CACNA1C: variants seen among roughly 807,000 people sequenced by gnomAD.
CACNA1C encodes voltage-dependent L-type calcium channel subunit alpha-1C.
In CACNA1C, 30 loss-of-function variants were observed where a neutral mutation model predicts 229.0. That is an observed-to-expected ratio of 0.13 (90% CI 0.10 to 0.18). The LOEUF (loss-of-function observed/expected upper bound fraction) is 0.18, where lower values mean the gene tolerates loss of function less well. Among genes scored for constraint, CACNA1C ranks in the 10% least tolerant of loss-of-function variants. CACNA1C has a pLI of 1.00. For missense variants in CACNA1C, 1,658 were observed against 2,845.0 expected (o/e 0.58, Z 9.49); for synonymous variants, 1,114 against 1,132.5 (o/e 0.98, Z 0.33).
chr12:2,357,729 G>A (rs1377644283), intron 3 of CACNA1C, among the ~76,000 whole-genome samples: 5 of 150,768 alleles, frequency 3.3e-5, no homozygotes, highest in African/African-American at 1.2e-4. Flanking sequence ...CCAGCACTTT[G>A]GGAGGCTGAG....
chr12:2,600,943 T>A (rs373648155), intron 21 of CACNA1C, among the ~76,000 whole-genome samples: 1 of 152,112 alleles, frequency 6.6e-6, no homozygotes, highest in Non-Finnish European at 1.5e-5. Context: ...CCCTGTAGGG[T>A]AGACCTTATC....
chr12:2,270,024 C>T (rs1369737279), intron 3 of CACNA1C: 1 of 152,224 alleles, frequency 6.6e-6, no homozygotes, highest in Non-Finnish European at 1.5e-5. Context: ...ATTGGCCAAA[C>T]CAACCTGAAG....
rs973403119 is a variant in CACNA1C at position 2,275,837 on chromosome 12, T to C, written c.477+155407T>C. 2.0e-5 allele frequency among the ~76,000 whole-genome samples: 3 copies of C among 150,596 alleles called. No homozygotes were observed. Among genetic ancestry groups the C allele is most frequent in the African/African-American group, 7.5e-5 (3 of 40,068 alleles). ...GCAGCAGGCCCCCTCTGTTCTTTGG[T>C]GAAGCTTGTCTGCAGCGAGCCCTCA... On this transcript the variant is annotated intron_variant, in intron 3 of 46. Coordinates refer to ENST00000399655, the MANE Select transcript of CACNA1C (RefSeq NM_000719.7). The surrounding 1 kb of genome is among the most constrained non-coding windows in gnomAD (Gnocchi z 4.1).
chr12:2,181,561 A>G lies in CACNA1C; in HGVS notation c.477+61131A>G, dbSNP rs1467660546. On this transcript the variant is annotated intron_variant, in intron 3 of 46. Transcript: ENST00000399655. This position sits in a 1 kb window ranked among gnomAD's most constrained non-coding sequence, Gnocchi z 4.0. Reference sequence around the variant, plus strand: ...CCATGAAAACAAATCCAGGTGTTTTATTTTATTCTTGTTGCCATCAGAACT... The same window carrying G: ...CCATGAAAACAAATCCAGGTGTTTTGTTTTATTCTTGTTGCCATCAGAACT... 1.3e-5 allele frequency among the ~76,000 whole-genome samples: 2 copies of G among 152,144 alleles called. No individual in the cohort carries two copies. The highest frequency in any genetic ancestry group is 3.8e-4 in the East Asian group (2 of 5,196).
intron 3 of CACNA1C, among the ~76,000 whole-genome samples, chr12:2,172,641 G>T (rs747308260): frequency 2.0e-5 from 3 of 152,194 alleles, no homozygotes; most frequent in Non-Finnish European, 4.4e-5. Flanking sequence ...TCTTTCTCTT[G>T]TCTTTATCTC....
intron 3 of CACNA1C, among the ~76,000 whole-genome samples, chr12:2,211,287 C>A (rs755408158): frequency 7.2e-5 from 11 of 152,232 alleles, no homozygotes; most frequent in Non-Finnish European, 1.5e-4. Context: ...CTCACAGTAA[C>A]CATGTTCCAG....
intron 3 of CACNA1C, among the ~76,000 whole-genome samples, chr12:2,136,009 G>C (rs1341269157): frequency 6.6e-6 from 1 of 150,600 alleles, no homozygotes; most frequent in Non-Finnish European, 1.5e-5. Flanking sequence ...TAGTCTCGTG[G>C]TGCGCCGTTT....
intron 1 of CACNA1C, among the ~76,000 whole-genome samples, chr12:2,025,485 T>G (rs1450419657): frequency 6.6e-6 from 1 of 152,192 alleles, no homozygotes; most frequent in Non-Finnish European, 1.5e-5. Context: ...CACCTTCTTG[T>G]TGAGGACTTA....
intron 3 of CACNA1C, among the ~76,000 whole-genome samples, chr12:2,204,640 GT>G (rs1347963905): frequency 2.6e-5 from 4 of 151,182 alleles, no homozygotes; most frequent in Non-Finnish European, 5.9e-5. Flanking sequence ...CGTGTCCTTT[GT>G]AGGGACATGG....
At chr12:2,612,658 T>C (rs1273586523) in intron 29 of CACNA1C, 2 of 152,326 alleles carry the variant, frequency 1.3e-5, no homozygotes, top group Non-Finnish European at 2.9e-5. Flanking sequence ...TGCTGCTGAA[T>C]GAGGCAGGGT....
intron 43 of CACNA1C, among the ~76,000 whole-genome samples, chr12:2,685,298 A>AG (rs1485056077): frequency 6.6e-6 from 1 of 150,400 alleles, no homozygotes; most frequent in Non-Finnish European, 1.5e-5. Flanking sequence ...CTTGCTGATG[A>AG]GGGGGTGGCA....
intron 3 of CACNA1C, among the ~76,000 whole-genome samples, chr12:2,235,970 T>C (rs1421619868): frequency 6.6e-6 from 1 of 152,242 alleles, no homozygotes; most frequent in Non-Finnish European, 1.5e-5. Flanking sequence ...CCATTGTCCC[T>C]GTTTTATAAA....
In CACNA1C at chr12:2,141,075, G is replaced by A. The variant is rs1027306262; in HGVS notation, c.477+20645G>A. On this transcript the variant is annotated intron_variant, in intron 3 of 46. Transcript: ENST00000399655. ...TGGGCAGACCTGGGGAGGAGGCTGC[G>A]GGCAGGGGACAGCAGGGCCAGGACC... 3.3e-5 allele frequency among the ~76,000 whole-genome samples: 5 copies of A among 150,950 alleles called. 2 individuals carry two copies. The highest frequency in any genetic ancestry group is 1.3e-4 in the Admixed American group (2 of 14,994).
intron 3 of CACNA1C, among the ~76,000 whole-genome samples, chr12:2,125,193 GT>G (rs1348272013): frequency 6.6e-6 from 1 of 152,164 alleles, no homozygotes; most frequent in Non-Finnish European, 1.5e-5. Flanking sequence ...GGAACAGAGA[GT>G]TTAAGATATT....
chr12:2,557,896 T>TAC (rs2045337509), intron 11 of CACNA1C, among the ~76,000 whole-genome samples: 1 of 152,242 alleles, frequency 6.6e-6, no homozygotes, highest in African/African-American at 2.4e-5. Context: ...TGAACGTCCA[T>TAC]ACATGTGTGT....
chr12:2,194,847 C>G (rs985160606), intron 3 of CACNA1C, among the ~76,000 whole-genome samples: 2 of 152,144 alleles, frequency 1.3e-5, no homozygotes, highest in Non-Finnish European at 2.9e-5. Context: ...TACCCTGCAT[C>G]CGTATTGGAA....
chr12:2,003,966 C>A (rs1037367126), intron 1 of CACNA1C, among the ~76,000 whole-genome samples: 1 of 152,196 alleles, frequency 6.6e-6, no homozygotes, highest in African/African-American at 2.4e-5. Context: ...GCACATCGGT[C>A]TTCCGGCCAT....
Position 2,679,492 on chromosome 12 carries a change from G to A in CACNA1C, c.5140G>A (p.Gly1714Ser), listed in dbSNP as rs533676935. 4.8e-5 allele frequency: 77 copies of A among 1,606,096 alleles called. 1 individual carries two copies. Among genetic ancestry groups the A allele is most frequent in the South Asian group, 4.4e-4 (40 of 90,454 alleles). Reference protein sequence around the residue: ...GNHVSYYQSDGRSAFPQTFTT... With the variant: ...GNHVSYYQSDSRSAFPQTFTT... Reference sequence around the variant, plus strand: ...CCACGTCAGCTACTACCAAAGCGACGGCCGGAGCGCCTTCCCCCAGACCTT... The same window carrying A: ...CCACGTCAGCTACTACCAAAGCGACAGCCGGAGCGCCTTCCCCCAGACCTT... The change falls in exon 42 of 47, where the codon GGC (glycine) becomes AGC (serine). Residue 1714 changes from glycine to serine, a missense_variant. Coordinates refer to ENST00000399655, the MANE Select transcript of CACNA1C (RefSeq NM_000719.7). This position sits in a 1 kb window ranked among gnomAD's most constrained non-coding sequence, Gnocchi z 5.5.
intron 5 of CACNA1C, among the ~76,000 whole-genome samples, chr12:2,468,718 T>C (rs2099573676): frequency 6.6e-6 from 1 of 152,182 alleles, no homozygotes; most frequent in African/African-American, 2.4e-5. Flanking sequence ...TGATGGCAAA[T>C]AGTATTGTTG....
Sources: gnomAD v4.1 joint callset for allele counts (sites outside exome capture counted in the v4.1 genomes callset) on GRCh38, gnomAD v4.1.1 for gene constraint, Gnocchi (gnomAD v3.1) non-coding constraint, MANE v1.5 for transcripts, NCBI Gene and HGNC (gene_info 2026-07-23, HGNC 2026-07-21) for gene names.